The following RIN3 variants were observed in gnomAD, a reference collection of about 807,000 sequenced individuals.
RIN3 encodes the protein RAB5 interacting protein 3.
RIN3 carries 54 observed loss-of-function variants against 76.3 expected under a neutral mutation model. The ratio of observed to expected loss-of-function variants is 0.71; its 90% CI spans 0.57 to 0.89. The LOEUF (loss-of-function observed/expected upper bound fraction) is 0.89, where lower values mean the gene tolerates loss of function less well. Ranked by LOEUF, RIN3 falls within the 40% of genes least tolerant of loss-of-function variation. The pLI is 0.00. For missense variants in RIN3, 1,256 were observed against 1,322.1 expected (o/e 0.95, Z 0.78); for synonymous variants, 576 against 564.0 (o/e 1.02, Z -0.30).
chr14:92,595,970 A>C (rs2140082603), intron 3 of RIN3, among the ~76,000 whole-genome samples: 1 of 152,304 alleles, frequency 6.6e-6, no homozygotes, highest in South Asian at 2.1e-4. Flanking sequence ...AGTTCTATAG[A>C]AATAAACTGA....
intron 3 of RIN3, among the ~76,000 whole-genome samples, chr14:92,587,926 C>G (rs1217396184): frequency 6.6e-6 from 1 of 152,072 alleles, no homozygotes; most frequent in East Asian, 1.9e-4. Flanking sequence ...ATCAGGACAC[C>G]AGCAGGTTCT....
At chr14:92,672,640 TTA>T (rs759402289) in intron 7 of RIN3, among the ~76,000 whole-genome samples, 6 of 147,430 alleles carry the variant, frequency 4.1e-5, no homozygotes, top group African/African-American at 7.4e-5. Flanking sequence ...CAAAGATAAA[TTA>T]TATATATATG....
chr14:92,595,472 G>C (rs1221959066), intron 3 of RIN3, among the ~76,000 whole-genome samples: 1 of 152,190 alleles, frequency 6.6e-6, no homozygotes. Flanking sequence ...TGGCTTTGAG[G>C]GGGTTTTCCC....
intron 4 of RIN3, among the ~76,000 whole-genome samples, chr14:92,621,659 T>C (rs1339645128): frequency 6.6e-6 from 1 of 152,232 alleles, no homozygotes; most frequent in Non-Finnish European, 1.5e-5. Flanking sequence ...CATAAAAGAT[T>C]GTGAAAAACC....
intron 5 of RIN3, among the ~76,000 whole-genome samples, chr14:92,641,994 G>A (rs1887032299): frequency 6.6e-6 from 1 of 152,240 alleles, no homozygotes; most frequent in South Asian, 2.1e-4. Flanking sequence ...TCACCTTGCT[G>A]GCCCTCAGGA....
chr14:92,641,204 C>T (rs1361332097), intron 4 of RIN3, 34 bp from the exon 5 acceptor site: 2 of 1,504,654 alleles, frequency 1.3e-6, no homozygotes, highest in Non-Finnish European at 1.9e-6. Context: ...CACGGTGGAC[C>T]CAGACATGAC....
intron 1 of RIN3, among the ~76,000 whole-genome samples, chr14:92,527,477 G>A (rs550882860): frequency 1.5e-4 from 23 of 152,250 alleles, no homozygotes; most frequent in Non-Finnish European, 3.2e-4. Flanking sequence ...TTTCTGGGGC[G>A]CTATAGGACT....
chr14:92,674,263 G>A lies in RIN3; in HGVS notation c.2336-2212G>A, dbSNP rs75921821. ...GGGTTGGAGACTCAGCCTTCACACC[G>A]CGCCTCTCAGCAGTGTAGCGTGCAG... On this transcript the variant is annotated intron_variant, in intron 7 of 9. Transcript: ENST00000216487. Among the ~76,000 whole-genome samples, 5 of 152,168 alleles carry A rather than the reference G, an allele frequency of 3.3e-5. No homozygotes were observed. The East Asian group carries it at 5.8e-4, about 18-fold the overall frequency.
At chr14:92,583,046 A>T (rs1475311666) in intron 3 of RIN3, among the ~76,000 whole-genome samples, 1 of 152,076 alleles carries the variant, frequency 6.6e-6, no homozygotes, top group Non-Finnish European at 1.5e-5. Flanking sequence ...TGCCTGTAAG[A>T]TGGGGATAAT....
chr14:92,654,883 G>A (rs1420755727), intron 6 of RIN3, among the ~76,000 whole-genome samples: 2 of 152,154 alleles, frequency 1.3e-5, no homozygotes, highest in Non-Finnish European at 2.9e-5. Context: ...CAAGAAGGAT[G>A]AGTAGGGCCG....
intron 7 of RIN3, among the ~76,000 whole-genome samples, chr14:92,666,034 G>C (rs544093233): frequency 9.0e-5 from 13 of 145,010 alleles, no homozygotes; most frequent in Non-Finnish European, 1.8e-4. Flanking sequence ...CCCGAGTCCC[G>C]CCTACCTCCA....
Position 92,651,659 on chromosome 14 carries a change from T to C in RIN3, c.610T>C (p.Phe204Leu), listed in dbSNP as rs368941632. Residue 204 changes from phenylalanine to leucine, a missense_variant, in exon 6 of 10, where the codon TTC becomes CTC. Around this residue, in one of 3 missense-constraint regions of RIN3, gnomAD observed 610 missense variants for 626.4 expected, o/e 0.97. Coordinates refer to ENST00000216487, the MANE Select transcript of RIN3 (RefSeq NM_024832.5). The stretch of plus-strand genomic sequence containing the variant: ...GCCCCCAAGAGACCGGGCCCCCGGA[T>C]TCCCCCTAGTCTCCAGCCTCAGGCC... Reference protein sequence around the residue: ...AEPPRDRAPGFPLVSSLRPTA... With the variant: ...AEPPRDRAPGLPLVSSLRPTA... 54 of 1,613,426 alleles carry C rather than the reference T, an allele frequency of 3.3e-5. No individual in the cohort carries two copies. The highest frequency in any genetic ancestry group is 4.0e-5 in the Non-Finnish European group (47 of 1,179,770).
chr14:92,575,614 C>T (rs1234769407), intron 2 of RIN3, among the ~76,000 whole-genome samples: 3 of 152,036 alleles, frequency 2.0e-5, no homozygotes, highest in Non-Finnish European at 2.9e-5. Flanking sequence ...AATTTCCTGA[C>T]GTTGCCATGA....
At position 92,676,460 on chromosome 14, in the gene RIN3, CCTT is replaced by C. The variant is rs752399924; in HGVS notation, c.2336-7_2336-5del. 4.5e-5 allele frequency: 72 copies of C among 1,612,240 alleles called. No individual in the cohort carries two copies. Among genetic ancestry groups the C allele is most frequent in the Non-Finnish European group, 5.5e-5 (65 of 1,178,476 alleles). Reference sequence around the variant, plus strand: ...GCCTGGAACTCATCTCCCTCTGCCTCCTTCTTCTTCCCAGGGAAGCCCTATGGG... The same window carrying C: ...GCCTGGAACTCATCTCCCTCTGCCTCCTTCTTCCCAGGGAAGCCCTATGGG... On this transcript the variant is annotated splice_polypyrimidine_tract_variant and intron_variant, in intron 7 of 9. Coordinates refer to ENST00000216487, the MANE Select transcript of RIN3 (RefSeq NM_024832.5).
chr14:92,519,683 G>C (rs1896542475), intron 1 of RIN3, among the ~76,000 whole-genome samples: 1 of 152,224 alleles, frequency 6.6e-6, no homozygotes, highest in Non-Finnish European at 1.5e-5. Flanking sequence ...CCCTGCCCAG[G>C]GCTGCCCAGA....
intron 7 of RIN3, among the ~76,000 whole-genome samples, chr14:92,672,270 G>C (rs149165601): frequency 0.013 from 1,911 of 152,216 alleles, 37 homozygotes; most frequent in African/African-American, 0.044. Context: ...AAATTAGCCA[G>C]GCGTGGTGGC....
chr14:92,605,938 G>A (rs945730172), intron 3 of RIN3, among the ~76,000 whole-genome samples: 2 of 152,074 alleles, frequency 1.3e-5, no homozygotes, highest in Admixed American at 1.3e-4. Flanking sequence ...CACCCATTAT[G>A]TGCCTACTAT....
chr14:92,527,096 G>GCTGGA (rs1309853440), intron 1 of RIN3, among the ~76,000 whole-genome samples: 7 of 145,844 alleles, frequency 4.8e-5, no homozygotes, highest in African/African-American at 1.8e-4. Flanking sequence ...TGTCCCCCAG[G>GCTGGA]CTGGAGTGCA....
intron 4 of RIN3, among the ~76,000 whole-genome samples, chr14:92,633,024 G>A (rs11160084): frequency 0.12 from 18,677 of 152,156 alleles, 1,597 homozygotes; most frequent in East Asian, 0.27. Context: ...CAGGTGGTGG[G>A]ATTGGAGGAA....
Sources: allele counts gnomAD v4.1 joint callset (sites outside exome capture counted in the v4.1 genomes callset), GRCh38; gene constraint gnomAD v4.1.1; regional missense constraint gnomAD v4.1.1; transcripts MANE v1.5; gene names NCBI Gene and HGNC (gene_info 2026-07-23, HGNC 2026-07-21).